The following GPC3 variants were observed in gnomAD, a reference collection of about 807,000 sequenced individuals.
The protein encoded by GPC3 is glypican 3.
GPC3 carries 3 observed loss-of-function variants against 34.4 expected under a neutral mutation model. That is an observed-to-expected ratio of 0.09 (90% CI 0.04 to 0.23). GPC3 has a LOEUF of 0.23. Among genes scored for constraint, GPC3 ranks in the 10% least tolerant of loss-of-function variants. The pLI, the probability that GPC3 is intolerant of heterozygous loss-of-function variation, is 1.00. For missense variants in GPC3, 351 were observed against 445.6 expected (o/e 0.79, Z 1.91); for synonymous variants, 177 against 174.0 (o/e 1.02, Z -0.13).
rs916153019 is a variant in GPC3 at position 133,810,435 on chromosome X, C to T, written c.338-56259G>A. ...GGGAGTTCTGCAAGTATCAGTGTAG[C>T]TGCTTAATTGTGAAGCACTGATTTG... On this transcript the variant is annotated intron_variant, in intron 2 of 7. Transcript: ENST00000370818. 2.6e-4 allele frequency among the ~76,000 whole-genome samples: 29 copies of T among 112,116 alleles called. 1 individual carries two copies. In the Admixed American group the frequency reaches 2.7e-3, roughly 10 times the overall value.
At chrX:133,720,036 A>T (rs894386166) in intron 3 of GPC3, among the ~76,000 whole-genome samples, 1 of 111,955 alleles carries the variant, frequency 8.9e-6, no homozygotes, top group Non-Finnish European at 1.9e-5. Context: ...GAATGGCCAT[A>T]ATTTAAAAAT....
At chrX:133,613,559 G>T (rs1240162938) in intron 6 of GPC3, among the ~76,000 whole-genome samples, 1 of 112,117 alleles carries the variant, frequency 8.9e-6, no homozygotes, top group East Asian at 2.8e-4. Context: ...CTGCTTTTAG[G>T]ATCAAATGTA....
chrX:133,915,240 C>T (rs758696706), intron 2 of GPC3, among the ~76,000 whole-genome samples: 6 of 109,958 alleles, frequency 5.5e-5, no homozygotes, highest in African/African-American at 2.0e-4. Context: ...ATGGCGCAAT[C>T]TCAGCTCACT....
At chrX:133,683,560 T>G (rs971489780) in intron 5 of GPC3, among the ~76,000 whole-genome samples, 5 of 112,138 alleles carry the variant, frequency 4.5e-5, no homozygotes, top group African/African-American at 1.3e-4. Context: ...GAGGCTAGAA[T>G]TGTATACTAA....
chrX:133,814,010 C>T (rs770962717), intron 2 of GPC3, among the ~76,000 whole-genome samples: 20 of 111,883 alleles, frequency 1.8e-4, no homozygotes, highest in Non-Finnish European at 3.6e-4. Flanking sequence ...CTAATATGCC[C>T]TTGTGTTAAG....
chrX:133,935,300 T>C (rs956155899), intron 2 of GPC3, among the ~76,000 whole-genome samples: 1 of 112,143 alleles, frequency 8.9e-6, no homozygotes, highest in African/African-American at 3.2e-5. Flanking sequence ...ACAACTTTCT[T>C]GTAAGTACAA....
At chrX:133,735,196 C>T (rs1336062657) in intron 3 of GPC3, among the ~76,000 whole-genome samples, 1 of 111,625 alleles carries the variant, frequency 9.0e-6, no homozygotes, top group African/African-American at 3.3e-5. Flanking sequence ...AGAACTCACA[C>T]TTCCCATTTT....
At chrX:133,876,791 T>C (rs2076019000) in intron 2 of GPC3, among the ~76,000 whole-genome samples, 1 of 112,166 alleles carries the variant, frequency 8.9e-6, no homozygotes, top group Non-Finnish European at 1.9e-5. Context: ...TTTGATTATG[T>C]TTCATTGGAG....
chrX:133,903,856 A>G (rs894113779), intron 2 of GPC3, among the ~76,000 whole-genome samples: 2 of 111,102 alleles, frequency 1.8e-5, no homozygotes, highest in Non-Finnish European at 3.8e-5. Context: ...CCTGACCGAG[A>G]TGTACTGAGC....
chrX:133,960,079 C>T (rs1028489481), intron 1 of GPC3, among the ~76,000 whole-genome samples: 1 of 110,888 alleles, frequency 9.0e-6, no homozygotes, highest in African/African-American at 3.3e-5. Flanking sequence ...GAAGGTGAGG[C>T]TTGAGGTAGA....
chrX:133,776,476 T>A (rs2071981954), intron 2 of GPC3, among the ~76,000 whole-genome samples: 1 of 112,104 alleles, frequency 8.9e-6, no homozygotes, highest in African/African-American at 3.2e-5. Flanking sequence ...AAAATGTACC[T>A]ACCTATACAG....
intron 1 of GPC3, among the ~76,000 whole-genome samples, chrX:133,965,129 C>G (rs1275351765): frequency 9.0e-6 from 1 of 111,339 alleles, no homozygotes; most frequent in African/African-American, 3.3e-5. Context: ...ATTCAGAAGG[C>G]CCCAGAAAGC....
At chrX:133,755,723 G>T (rs1488233824) in intron 2 of GPC3, among the ~76,000 whole-genome samples, 2 of 111,022 alleles carry the variant, frequency 1.8e-5, no homozygotes, top group African/African-American at 3.3e-5. Flanking sequence ...TGGTTTTTTT[G>T]TTTGTTTGTT....
intron 2 of GPC3, among the ~76,000 whole-genome samples, chrX:133,904,434 A>G (rs140329279): frequency 1.0e-3 from 115 of 112,108 alleles, no homozygotes; most frequent in East Asian, 9.2e-3. Context: ...TGGAGTGCTA[A>G]AACTATTATC....
chrX:133,545,545 A>T (rs2124269412), intron 7 of GPC3, among the ~76,000 whole-genome samples: 1 of 110,654 alleles, frequency 9.0e-6, no homozygotes, highest in South Asian at 4.0e-4. Flanking sequence ...AGTTAAGGAG[A>T]GAGGGGGAGC....
At chrX:133,888,108 G>A (rs1378976405) in intron 2 of GPC3, among the ~76,000 whole-genome samples, 1 of 109,326 alleles carries the variant, frequency 9.1e-6, no homozygotes, top group Non-Finnish European at 1.9e-5. Context: ...AGTGTGTGAT[G>A]TTCCCCTCCC....
At chrX:133,706,615 C>T (rs912104564) in intron 3 of GPC3, among the ~76,000 whole-genome samples, 5 of 112,418 alleles carry the variant, frequency 4.4e-5, no homozygotes, top group African/African-American at 1.6e-4. Flanking sequence ...CTTATCATCA[C>T]TAATCATCAG....
At chrX:133,731,064 G>T (rs1024830901) in intron 3 of GPC3, among the ~76,000 whole-genome samples, 1 of 112,482 alleles carries the variant, frequency 8.9e-6, no homozygotes, top group Admixed American at 9.4e-5. Flanking sequence ...GAGAGACAAG[G>T]ATAAGTGAGG....
At chrX:133,708,702 G>A (rs924343688) in intron 3 of GPC3, among the ~76,000 whole-genome samples, 1 of 112,244 alleles carries the variant, frequency 8.9e-6, no homozygotes, top group Non-Finnish European at 1.9e-5. Flanking sequence ...GATATTACTT[G>A]TTGATTTCCC....
Sources: allele counts gnomAD v4.1 joint callset (sites outside exome capture counted in the v4.1 genomes callset), GRCh38; gene constraint gnomAD v4.1.1; transcripts MANE v1.5; gene names NCBI Gene and HGNC (gene_info 2026-07-23, HGNC 2026-07-21).